NETO1: variants seen among roughly 807,000 people sequenced by gnomAD.
The protein encoded by NETO1 is neuropilin and tolloid-like protein 1.
NETO1 carries 26 observed loss-of-function variants against 61.3 expected under a neutral mutation model. The observed-to-expected ratio is 0.42, with a 90% CI of 0.31 to 0.59. The LOEUF is 0.59. Ranked by LOEUF, NETO1 falls within the 20% of genes least tolerant of loss-of-function variation. The pLI is 0.12. For synonymous variants in NETO1, 225 were observed against 225.8 expected, an observed-to-expected ratio of 1.00 and a Z score of 0.03; for missense variants, 531 against 662.8, an observed-to-expected ratio of 0.80 and a Z score of 2.18.
intron 4 of NETO1, among the ~76,000 whole-genome samples, chr18:72,826,567 T>C (rs1256129592): frequency 6.6e-6 from 1 of 152,228 alleles, no homozygotes; most frequent in Non-Finnish European, 1.5e-5. Flanking sequence ...TCTTGCTTTC[T>C]ATTTGATTGA....
chr18:72,759,379 C>CT (rs1197676587), intron 7 of NETO1, among the ~76,000 whole-genome samples: 2 of 152,098 alleles, frequency 1.3e-5, no homozygotes, highest in Non-Finnish European at 2.9e-5. Context: ...ATTTTATCAT[C>CT]TTTTTTGTAT....
intron 4 of NETO1, among the ~76,000 whole-genome samples, chr18:72,800,672 T>C (rs1361175738): frequency 1.3e-5 from 2 of 152,136 alleles, no homozygotes; most frequent in African/African-American, 2.4e-5. Context: ...ATGGAAAAAT[T>C]GTCTTCCACA....
At position 72,745,357 on chromosome 18, in the gene NETO1, A is replaced by G. The variant is rs1292203801; in HGVS notation, c.*2822T>C. The G allele has an allele frequency of 6.6e-6, 1 of 152,214 alleles. No individual in the cohort carries two copies. Among genetic ancestry groups the G allele is most frequent in the Non-Finnish European group, 1.5e-5 (1 of 68,040 alleles). 9.4% of individuals were successfully genotyped at this position (152,214 alleles called of 1,614,324 possible). The stretch of plus-strand genomic sequence containing the variant: ...AAGCTTAATATGGGGATTCATTGGC[A>G]TTGCATGTGATTATATGCTACCATT... On this transcript the variant is annotated 3_prime_UTR_variant, in exon 11 of 11. Transcript: ENST00000327305.
intron 4 of NETO1, among the ~76,000 whole-genome samples, chr18:72,810,030 A>C (rs1177870924): frequency 6.6e-6 from 1 of 152,258 alleles, no homozygotes; most frequent in African/African-American, 2.4e-5. Context: ...TTCTAAAAAA[A>C]TAAAACATTG....
intron 2 of NETO1, 37 bp downstream of exon 2, chr18:72,865,151 C>T (rs773306663): frequency 2.7e-5 from 43 of 1,582,918 alleles, no homozygotes; most frequent in African/African-American, 6.8e-5. Flanking sequence ...CAAAATAATT[C>T]GAGGTCTTCC....
At chr18:72,764,397 G>C (rs981062548) in intron 7 of NETO1, among the ~76,000 whole-genome samples, 2 of 152,232 alleles carry the variant, frequency 1.3e-5, no homozygotes, top group South Asian at 2.1e-4. Flanking sequence ...GCAAAATCTA[G>C]CATACTTACT....
chr18:72,830,132 A>T lies in NETO1; in HGVS notation c.469+28694T>A, dbSNP rs1473055904. Among the ~76,000 whole-genome samples, 1 of 152,024 alleles carries T rather than the reference A, an allele frequency of 6.6e-6. No homozygotes were observed. Among genetic ancestry groups the T allele is most frequent in the Non-Finnish European group, 1.5e-5 (1 of 68,016 alleles). The stretch of plus-strand genomic sequence containing the variant: ...TGAAATATGAAGGAAGTACTATAAA[A>T]CCTATGGCTTTATCATCATAGAGGA... On this transcript the variant is annotated intron_variant, in intron 4 of 10. Coordinates refer to ENST00000327305, the MANE Select transcript of NETO1 (RefSeq NM_138966.5). The surrounding 1 kb of genome is among the most constrained non-coding windows in gnomAD (Gnocchi z 4.9).
chr18:72,807,743 CACACACACA>C (rs1199719316), intron 4 of NETO1, among the ~76,000 whole-genome samples: 7 of 119,102 alleles, frequency 5.9e-5, no homozygotes, highest in East Asian at 2.3e-4. Flanking sequence ...CACACACACA[CACACACACA>C]CACCCATACT....
intron 4 of NETO1, among the ~76,000 whole-genome samples, chr18:72,855,639 G>T (rs1173012733): frequency 6.6e-6 from 1 of 152,166 alleles, no homozygotes; most frequent in Non-Finnish European, 1.5e-5. Flanking sequence ...AAGAGCTTGG[G>T]ACTGAAAGGC....
At chr18:72,864,274 T>C (rs1275181242) in intron 3 of NETO1, among the ~76,000 whole-genome samples, 1 of 151,984 alleles carries the variant, frequency 6.6e-6, no homozygotes, top group Non-Finnish European at 1.5e-5. Context: ...AAATAAAGGG[T>C]CATAATTTAC....
In NETO1 at chr18:72,864,850, T is replaced by C. The variant is rs749301670; in HGVS notation, c.178A>G (p.Ser60Gly). The stretch of plus-strand genomic sequence containing the variant: ...CATTCCCGGTCAGGGGGATACTTGC[T>C]GGGATAGTTGGGAGAGGTAAAGATA... Reference protein sequence around the residue: ...GGIFTSPNYPSKYPPDRECIY... With the variant: ...GGIFTSPNYPGKYPPDRECIY... The change falls in exon 3 of 11, where the codon AGC (serine) becomes GGC (glycine). Residue 60 changes from serine to glycine, a missense_variant. Ser to Gly is a moderately conservative substitution (Grantham distance 56). Transcript: ENST00000327305. 1 of 1,614,100 alleles carries C rather than the reference T, an allele frequency of 6.2e-7. No homozygotes were observed. The highest frequency in any genetic ancestry group is 2.2e-5 in the East Asian group (1 of 44,866).
At chr18:72,824,172 T>C (rs2073300053) in intron 4 of NETO1, among the ~76,000 whole-genome samples, 1 of 152,196 alleles carries the variant, frequency 6.6e-6, no homozygotes, top group Admixed American at 6.5e-5. Context: ...AGCCGGGTTT[T>C]TGTTTGTTTG....
At chr18:72,840,723 C>T (rs1341276485) in intron 4 of NETO1, among the ~76,000 whole-genome samples, 2 of 152,060 alleles carry the variant, frequency 1.3e-5, no homozygotes, top group Non-Finnish European at 2.9e-5. Context: ...TTGTGGCTAA[C>T]TGAAGTTTAA....
chr18:72,788,776 CTTTTTA>C (rs1437560979), intron 6 of NETO1, among the ~76,000 whole-genome samples: 5 of 152,142 alleles, frequency 3.3e-5, no homozygotes, highest in Admixed American at 3.3e-4. Context: ...AGCAGAACCC[CTTTTTA>C]TATGCAAAGC....
intron 3 of NETO1, among the ~76,000 whole-genome samples, chr18:72,861,986 C>T (rs1297609642): frequency 3.3e-5 from 5 of 152,112 alleles, no homozygotes; most frequent in African/African-American, 9.7e-5. Context: ...TTCTCAAGAC[C>T]CCATCCACTC....
intron 4 of NETO1, among the ~76,000 whole-genome samples, chr18:72,847,432 T>C (rs951552847): frequency 3.9e-5 from 6 of 152,218 alleles, no homozygotes; most frequent in Non-Finnish European, 8.8e-5. Flanking sequence ...ACAGACAGCA[T>C]AGCTCTTTTG....
intron 7 of NETO1, among the ~76,000 whole-genome samples, chr18:72,757,125 T>C (rs1232538510): frequency 6.6e-6 from 1 of 152,144 alleles, no homozygotes; most frequent in African/African-American, 2.4e-5. Flanking sequence ...ACAATCCTTT[T>C]AAGGACAGGC....
chr18:72,812,266 T>G (rs927998195), intron 4 of NETO1, among the ~76,000 whole-genome samples: 7 of 152,240 alleles, frequency 4.6e-5, no homozygotes, highest in Admixed American at 2.0e-4. Flanking sequence ...GTCTGTCTGA[T>G]TGCACAATTG....
At position 72,824,858 on chromosome 18, in the gene NETO1, G is replaced by A. The variant is rs916969206; in HGVS notation, c.470-30454C>T. Reference sequence around the variant, plus strand: ...CACTGCACTGCACTCCAGCCTGCGCGACAGAGTGAGACTCGGTCTCAAACA... The same window carrying A: ...CACTGCACTGCACTCCAGCCTGCGCAACAGAGTGAGACTCGGTCTCAAACA... On this transcript the variant is annotated intron_variant, in intron 4 of 10. Transcript: ENST00000327305. 1.5e-4 allele frequency among the ~76,000 whole-genome samples: 23 copies of A among 152,188 alleles called. 1 individual carries two copies. Among genetic ancestry groups the A allele is most frequent in the Middle Eastern group, 6.8e-3 (2 of 292 alleles).
Sources: allele counts gnomAD v4.1 joint callset (sites outside exome capture counted in the v4.1 genomes callset), GRCh38; gene constraint gnomAD v4.1.1; non-coding constraint Gnocchi (gnomAD v3.1); transcripts MANE v1.5; gene names NCBI Gene and HGNC (gene_info 2026-07-23, HGNC 2026-07-21).